Variants in ITGB2 observed in about 807,000 individuals in gnomAD.
ITGB2 encodes the protein integrin subunit beta 2.
A neutral mutation model predicts 86.8 loss-of-function variants in ITGB2; 56 were observed. The ratio of observed to expected loss-of-function variants is 0.65; its 90% CI spans 0.52 to 0.81. The LOEUF is 0.81. Ranked by LOEUF, ITGB2 falls within the 30% of genes least tolerant of loss-of-function variation. The probability of loss-of-function intolerance (pLI) is 0.00; values close to 1 mark genes in which losing one functional copy is unlikely to be tolerated. For missense variants in ITGB2, 948 were observed against 1,061.2 expected, an observed-to-expected ratio of 0.89 and a Z score of 1.48; for synonymous variants, 457 against 450.4, an observed-to-expected ratio of 1.01 and a Z score of -0.19.
At chr21:44,900,103 C>T (rs541345553) in intron 7 of ITGB2, among the ~76,000 whole-genome samples, 27 of 152,334 alleles carry the variant, frequency 1.8e-4, no homozygotes, top group Middle Eastern at 6.8e-3. Context: ...AGGGCGAGGC[C>T]GGGCCTCAGC....
At position 44,900,169 on chromosome 21, in the gene ITGB2, C is replaced by A. The variant is rs2083930078; in HGVS notation, c.897+151G>T. 4 of 1,065,672 alleles carry A rather than the reference C, an allele frequency of 3.8e-6. No homozygotes were observed. The South Asian group carries it at 4.3e-5, about 12-fold the overall frequency. 66.0% of individuals were successfully genotyped at this position (1,065,672 alleles called of 1,614,324 possible). A position where few individuals can be genotyped will look rare whatever the true frequency, so the allele number is the denominator to read the frequency against. On this transcript the variant is annotated intron_variant, in intron 7 of 15. Transcript: ENST00000652462. Reference sequence around the variant, plus strand: ...TGGCCTGAGGCCAGTCCGGGGAGACCCCACGCTGCCACTTGGGGCTTCCAG... The same window carrying A: ...TGGCCTGAGGCCAGTCCGGGGAGACACCACGCTGCCACTTGGGGCTTCCAG...
intron 3 of ITGB2, among the ~76,000 whole-genome samples, chr21:44,909,037 G>A (rs1043210742): frequency 3.9e-5 from 6 of 152,238 alleles, no homozygotes; most frequent in East Asian, 1.9e-4. Context: ...GTTGGCAGCC[G>A]TGAGTGGCAG....
rs558512619 is a variant in ITGB2, at chr21:44,915,599, C to G, written c.-3-4814G>C. 5.9e-5 allele frequency among the ~76,000 whole-genome samples: 9 copies of G among 152,318 alleles called. No individual in the cohort carries two copies. In the South Asian group the frequency reaches 1.9e-3, roughly 32 times the overall value. On this transcript the variant is annotated intron_variant, in intron 1 of 15. Coordinates refer to ENST00000652462, the MANE Select transcript of ITGB2 (RefSeq NM_000211.5). ...TGAAGGCTCAAGGGATGATTATAAA[C>G]TAGGCATCCACCTTTTAAGCCAAAA...
intron 8 of ITGB2, 144 bp downstream of exon 8, chr21:44,898,923 T>C: frequency 4.1e-6 from 3 of 733,306 alleles, no homozygotes; most frequent in South Asian, 3.0e-5. Context: ...GCTCCTCACC[T>C]AGGGGGATCC....
At chr21:44,892,355 C>T (rs900790296) in intron 10 of ITGB2, among the ~76,000 whole-genome samples, 6 of 150,292 alleles carry the variant, frequency 4.0e-5, no homozygotes, top group Non-Finnish European at 5.9e-5. Flanking sequence ...CGCCGCGGCT[C>T]ACGCCTGTAA....
intron 1 of ITGB2, chr21:44,927,899 G>C (rs2084395766): frequency 1.3e-5 from 2 of 152,350 alleles, no homozygotes; most frequent in Admixed American, 1.3e-4. Flanking sequence ...CAGGCCACCA[G>C]GCTGGGTGCA....
In ITGB2 at chr21:44,886,348, C is replaced by T; in HGVS notation, c.*20G>A. ...GGCAGACATGGTGGGTCCTGACGGC[C>T]TTGTCTTCACCAAGTGCTCCTAACT... On this transcript the variant is annotated 3_prime_UTR_variant, in exon 16 of 16. Transcript: ENST00000652462. 1 of 1,612,894 alleles carries T rather than the reference C, an allele frequency of 6.2e-7. No individual in the cohort carries two copies. The highest frequency in any genetic ancestry group is 1.3e-5 in the African/African-American group (1 of 75,010).
At chr21:44,918,621 C>T (rs1317482204) in intron 1 of ITGB2, among the ~76,000 whole-genome samples, 6 of 152,244 alleles carry the variant, frequency 3.9e-5, no homozygotes, top group African/African-American at 7.2e-5. Context: ...TGGATGGCCG[C>T]GGCCCCTGTG....
chr21:44,910,709 G>A lies in ITGB2; in HGVS notation c.58+16C>T, dbSNP rs1173632824. ...ATGTCACGCGTGGAGTCCCCTCCGT[G>A]GAACACAGAACTCACCGCACCCGAG... On this transcript the variant is annotated intron_variant, in intron 2 of 15. Coordinates refer to ENST00000652462, the MANE Select transcript of ITGB2 (RefSeq NM_000211.5). The A allele has an allele frequency of 6.2e-7, 1 of 1,613,440 alleles. No homozygotes were observed. Among genetic ancestry groups the A allele is most frequent in the Non-Finnish European group, 8.5e-7 (1 of 1,179,518 alleles).
At chr21:44,910,396 A>G in intron 2 of ITGB2, 24 bp from the exon 3 acceptor site, 1 of 1,613,988 alleles carries the variant, frequency 6.2e-7, no homozygotes, top group Non-Finnish European at 8.5e-7. Context: ...CCGGCTGGTG[A>G]GTGGGTGCTC....
intron 5 of ITGB2, 44 bp downstream of exon 5, chr21:44,903,321 T>C (rs753152274): frequency 6.2e-7 from 1 of 1,611,790 alleles, no homozygotes; most frequent in East Asian, 2.2e-5. Context: ...GTGGCCAGGG[T>C]CTGGGAAAGG....
Position 44,886,200 on chromosome 21 carries a change from C to A in ITGB2, c.*168G>T, listed in dbSNP as rs755328937. 2.0e-3 allele frequency: 1,371 copies of A among 685,892 alleles called. 3 individuals carry two copies. Among genetic ancestry groups the A allele is most frequent in the Non-Finnish European group, 2.9e-3 (1,093 of 378,594 alleles). 42.5% of individuals were successfully genotyped at this position (685,892 alleles called of 1,614,324 possible). ...AGTCAGAGTGGAGCTGTCCCCCCGACGAGCCCCCAGAAGCACCCGGCCGGC... is the reference window on the plus strand; with the variant it reads ...AGTCAGAGTGGAGCTGTCCCCCCGAAGAGCCCCCAGAAGCACCCGGCCGGC... On this transcript the variant is annotated 3_prime_UTR_variant, in exon 16 of 16. Transcript: ENST00000652462.
At chr21:44,910,220 AG>A in intron 3 of ITGB2, 63 bp downstream of exon 3, 1 of 1,583,250 alleles carries the variant, frequency 6.3e-7, no homozygotes, top group Non-Finnish European at 8.6e-7. Flanking sequence ...CACTGGCTTC[AG>A]GGGCAGGAAA....
Position 44,915,968 on chromosome 21 carries a change from G to C in ITGB2, c.-4+4853C>G, listed in dbSNP as rs146658251. ...GATGGAGTCTCACTCTGTCATCCAG[G>C]CTGGAGTGCAATGGCTAGATCTCGG... is the stretch of plus-strand genomic sequence containing the variant. On this transcript the variant is annotated intron_variant, in intron 1 of 15. Coordinates refer to ENST00000652462, the MANE Select transcript of ITGB2 (RefSeq NM_000211.5). 3.5e-3 allele frequency among the ~76,000 whole-genome samples: 536 copies of C among 152,256 alleles called. 5 individuals are homozygous for C. Among genetic ancestry groups the C allele is most frequent in the African/African-American group, 0.012 (509 of 41,542 alleles).
intron 3 of ITGB2, among the ~76,000 whole-genome samples, 192 bp from the exon 4 acceptor site, chr21:44,907,287 G>T (rs1476129398): frequency 6.6e-6 from 1 of 152,152 alleles, no homozygotes; most frequent in African/African-American, 2.4e-5. Context: ...AAGGCTCCCG[G>T]CCACAGCAGA....
At chr21:44,906,855 C>T (rs1262444602) in intron 4 of ITGB2, 60 bp downstream of exon 4, 6 of 1,591,912 alleles carry the variant, frequency 3.8e-6, no homozygotes, top group Non-Finnish European at 5.2e-6. Flanking sequence ...GCCGGACTCC[C>T]AGCCAGAGCC....
chr21:44,924,465 A>G (rs1010057028), upstream of ITGB2, among the ~76,000 whole-genome samples: 18 of 152,156 alleles, frequency 1.2e-4, no homozygotes, highest in Admixed American at 1.2e-3. Context: ...ACAAGAAAAA[A>G]TCAAATAGAA....
At chr21:44,901,334 A>G (rs932221515) in intron 6 of ITGB2, among the ~76,000 whole-genome samples, 158 bp downstream of exon 6, 8 of 152,166 alleles carry the variant, frequency 5.3e-5, no homozygotes, top group Admixed American at 4.6e-4. Flanking sequence ...CCTTTCCTGC[A>G]TGGGCAGCAG....
rs146961505 is a variant in ITGB2, at chr21:44,893,560, G to T, written c.1084-16C>A. 1.2e-6 allele frequency: 2 copies of T among 1,613,126 alleles called. No homozygotes were observed. The highest frequency in any genetic ancestry group is 1.3e-5 in the African/African-American group (1 of 75,038). ...AGGAGAGTTTCTGCGGGCAGAGAGCGGTTACTCTTGGGGGCGAGTGTTTCT... is the reference window on the plus strand; with the variant it reads ...AGGAGAGTTTCTGCGGGCAGAGAGCTGTTACTCTTGGGGGCGAGTGTTTCT... On this transcript the variant is annotated splice_polypyrimidine_tract_variant and intron_variant, in intron 9 of 15. Transcript: ENST00000652462.
Sources: allele counts gnomAD v4.1 joint callset (sites outside exome capture counted in the v4.1 genomes callset), GRCh38; gene constraint gnomAD v4.1.1; transcripts MANE v1.5; gene names NCBI Gene and HGNC (gene_info 2026-07-23, HGNC 2026-07-21).